The following CNTNAP3B variants were observed in gnomAD, a reference collection of about 807,000 sequenced individuals.
CNTNAP3B encodes the protein contactin-associated protein-like 3B.
Under a neutral mutation model 108.9 loss-of-function variants are expected in CNTNAP3B, and 25 were observed. That is an observed-to-expected ratio of 0.23 (90% CI 0.17 to 0.32). CNTNAP3B has a LOEUF of 0.32. Ranked by LOEUF, CNTNAP3B falls within the 10% of genes least tolerant of loss-of-function variation. CNTNAP3B has a pLI of 1.00. For missense variants in CNTNAP3B, 252 were observed against 1,210.4 expected (o/e 0.21, Z 11.75); for synonymous variants, 103 against 473.4 (o/e 0.22, Z 10.16).
chr9:42,055,455 T>G (rs1178034118), intron 3 of CNTNAP3B, among the ~76,000 whole-genome samples: 1 of 144,840 alleles, frequency 6.9e-6, no homozygotes, highest in African/African-American at 2.7e-5. Flanking sequence ...AAATGTACCA[T>G]GACCACTGAA....
At chr9:41,934,321 C>G (rs1337664755) in intron 14 of CNTNAP3B, among the ~76,000 whole-genome samples, 2 of 152,112 alleles carry the variant, frequency 1.3e-5, no homozygotes, top group African/African-American at 4.8e-5. Flanking sequence ...CAGGTTCATG[C>G]CATTCTCCTG....
At chr9:41,933,432 A>T (rs1482545259) in intron 14 of CNTNAP3B, among the ~76,000 whole-genome samples, 1 of 151,484 alleles carries the variant, frequency 6.6e-6, no homozygotes, top group African/African-American at 2.4e-5. Flanking sequence ...TAGTGAGTCA[A>T]TCCATTTATT....
At chr9:42,086,665 A>G (rs1307107775) in intron 2 of CNTNAP3B, among the ~76,000 whole-genome samples, 331 of 100,244 alleles carry the variant, frequency 3.3e-3, no homozygotes, top group Non-Finnish European at 4.7e-3. Context: ...GGCTGGTCTC[A>G]AACTCCTGAC....
chr9:41,965,911 CCCCCTATCCTGGCTCT>C (rs1322535635), intron 10 of CNTNAP3B, among the ~76,000 whole-genome samples: 4 of 152,014 alleles, frequency 2.6e-5, no homozygotes, highest in Non-Finnish European at 5.9e-5. Context: ...ATGCCCCCAG[CCCCCTATCCTGGCTCT>C]CCAGCACTGC....
intron 11 of CNTNAP3B, among the ~76,000 whole-genome samples, chr9:41,963,886 G>A (rs1170632496): frequency 7.2e-5 from 11 of 152,278 alleles, no homozygotes; most frequent in African/African-American, 1.9e-4. Flanking sequence ...GGTTAAATGA[G>A]TTAATATATG....
chr9:41,913,714 T>A (rs1823458778), intron 18 of CNTNAP3B, among the ~76,000 whole-genome samples: 1 of 135,294 alleles, frequency 7.4e-6, no homozygotes, highest in Admixed American at 7.3e-5. Context: ...TTGAATCTAC[T>A]TTGTCTCTAC....
chr9:41,960,861 C>A lies in CNTNAP3B; in HGVS notation c.1788G>T (p.Lys596Asn), dbSNP rs1311485867. 2.5e-6 allele frequency: 4 copies of A among 1,602,682 alleles called. No individual in the cohort carries two copies. The African/African-American group carries it at 5.4e-5, about 22-fold the overall frequency. ...AAAGCCCGGATGGGTTCCCTCGGTGCTTGTGGGCTTCACAAGACTGCTCGT... is the reference window on the plus strand; with the variant it reads ...AAAGCCCGGATGGGTTCCCTCGGTGATTGTGGGCTTCACAAGACTGCTCGT... ...SLYEQSCEAH[K>N]HRGNPSGLYY... The change falls in exon 12 of 24, where the codon AAG becomes AAT. Residue 596 changes from lysine (K) to asparagine (N), a missense_variant. Coordinates refer to ENST00000377561, the MANE Select transcript of CNTNAP3B (RefSeq NM_001201380.3).
At chr9:41,961,271 T>C (rs1223748153) in intron 11 of CNTNAP3B, among the ~76,000 whole-genome samples, 2 of 152,414 alleles carry the variant, frequency 1.3e-5, no homozygotes, top group South Asian at 2.1e-4. Flanking sequence ...CTTTTGGCAA[T>C]GTCTAGAGAC....
intron 3 of CNTNAP3B, among the ~76,000 whole-genome samples, chr9:42,038,610 G>C (rs1445787022): frequency 1.7e-5 from 2 of 118,858 alleles, no homozygotes; most frequent in Non-Finnish European, 3.5e-5. Context: ...CCCAATACAG[G>C]AGCACCCAGA....
chr9:42,062,545 G>A lies in CNTNAP3B; in HGVS notation c.390+14324C>T, dbSNP rs866491250. ...TGTGTGTAGCACAGAGCTGGGTCTG[G>A]TTTTTATAATCCATTAAGTCACACT... On this transcript the variant is annotated intron_variant, in intron 3 of 23. Coordinates refer to ENST00000377561, the MANE Select transcript of CNTNAP3B (RefSeq NM_001201380.3). Among the ~76,000 whole-genome samples, 1,000 of 102,240 alleles carry A rather than the reference G, an allele frequency of 9.8e-3. 41 individuals are homozygous for A. The highest frequency in any genetic ancestry group is 0.039 in the South Asian group (115 of 2,980). 67.1% of individuals were successfully genotyped at this position (102,240 alleles called of 152,430 possible).
chr9:41,963,896 G>T (rs1258492180), intron 11 of CNTNAP3B, among the ~76,000 whole-genome samples: 2 of 152,308 alleles, frequency 1.3e-5, no homozygotes, highest in Admixed American at 6.5e-5. Context: ...GTTAATATAT[G>T]CAAAGCAATA....
At chr9:42,087,260 A>C (rs774138978) in intron 2 of CNTNAP3B, among the ~76,000 whole-genome samples, 1,738 of 138,012 alleles carry the variant, frequency 0.013, 77 homozygotes, top group African/African-American at 0.046. Flanking sequence ...CATACACAAT[A>C]ATGTATGGAG....
chr9:42,116,450 A>T (rs1828318940), intron 1 of CNTNAP3B, among the ~76,000 whole-genome samples: 1 of 130,352 alleles, frequency 7.7e-6, no homozygotes, highest in Admixed American at 7.8e-5. Context: ...GAGAAATAAA[A>T]TCCTTTACAG....
chr9:41,944,551 T>C (rs1587130523), intron 13 of CNTNAP3B, among the ~76,000 whole-genome samples: 1 of 152,374 alleles, frequency 6.6e-6, no homozygotes, highest in East Asian at 1.9e-4. Flanking sequence ...TAATTAATAT[T>C]CTAGGAGAAG....
intron 1 of CNTNAP3B, among the ~76,000 whole-genome samples, chr9:42,119,635 T>C (rs1587287486): frequency 1.5e-5 from 2 of 133,262 alleles, no homozygotes; most frequent in Middle Eastern, 7.0e-3. Context: ...AACAGAGATA[T>C]AGAAAAACAG....
intron 14 of CNTNAP3B, among the ~76,000 whole-genome samples, chr9:41,932,003 GT>G (rs1823992345): frequency 6.6e-6 from 1 of 152,104 alleles, no homozygotes; most frequent in South Asian, 2.1e-4. Flanking sequence ...TTTTTTCATT[GT>G]TTTGGAAAGT....
intron 13 of CNTNAP3B, among the ~76,000 whole-genome samples, chr9:41,942,401 G>A (rs1824380017): frequency 6.6e-6 from 1 of 152,158 alleles, no homozygotes; most frequent in African/African-American, 2.4e-5. Flanking sequence ...ACGAGGTCAG[G>A]AGATCCAGAC....
intron 11 of CNTNAP3B, among the ~76,000 whole-genome samples, chr9:41,962,399 A>G (rs1564160399): frequency 2.0e-5 from 3 of 152,232 alleles, no homozygotes; most frequent in Non-Finnish European, 4.4e-5. Flanking sequence ...TTTTGGAGTT[A>G]TATTTTGATT....
chr9:42,066,551 C>T lies in CNTNAP3B; in HGVS notation c.390+10318G>A, dbSNP rs1280858027. On this transcript the variant is annotated intron_variant, in intron 3 of 23. Coordinates refer to ENST00000377561, the MANE Select transcript of CNTNAP3B (RefSeq NM_001201380.3). The stretch of plus-strand genomic sequence containing the variant: ...AAGTGATTCTCCTGACTCAGCCTTC[C>T]GAGTAGCTGGGATTACAGGCGCCTG... 1.8e-4 allele frequency among the ~76,000 whole-genome samples: 22 copies of T among 124,164 alleles called. 2 individuals are homozygous for T. Among genetic ancestry groups the T allele is most frequent in the African/African-American group, 4.9e-4 (15 of 30,350 alleles). 81.5% of individuals were successfully genotyped at this position (124,164 alleles called of 152,430 possible).
Sources: gnomAD v4.1 joint callset for allele counts (sites outside exome capture counted in the v4.1 genomes callset) on GRCh38, gnomAD v4.1.1 for gene constraint, MANE v1.5 for transcripts, NCBI Gene and HGNC (gene_info 2026-07-23, HGNC 2026-07-21) for gene names.